The following LIPA variants were observed in gnomAD, a reference collection of about 807,000 sequenced individuals.
LIPA encodes lipase A, lysosomal acid type.
A neutral mutation model predicts 40.6 loss-of-function variants in LIPA; 26 were observed. That is an observed-to-expected ratio of 0.64 (90% CI 0.47 to 0.89). The LOEUF (loss-of-function observed/expected upper bound fraction) is 0.89, where lower values mean the gene tolerates loss of function less well. Ranked by LOEUF, LIPA falls within the 40% of genes least tolerant of loss-of-function variation. The pLI is 0.00. For synonymous variants in LIPA, 188 were observed against 168.4 expected (o/e 1.12, Z -0.90); for missense variants, 455 against 479.6 (o/e 0.95, Z 0.48).
intron 6 of LIPA, 97 bp downstream of exon 6, chr10:89,224,995 G>T: frequency 7.0e-7 from 1 of 1,429,596 alleles, no homozygotes; most frequent in South Asian, 1.2e-5. Flanking sequence ...TCAAAACGCA[G>T]GGGAGGAAGG....
At chr10:89,319,321 T>A (rs1007242813) in intron 1 of LIPA, among the ~76,000 whole-genome samples, 1 of 152,158 alleles carries the variant, frequency 6.6e-6, no homozygotes, top group African/African-American at 2.4e-5. Context: ...CTAGCAAGAC[T>A]AATAAAGAAG....
intron 1 of LIPA, among the ~76,000 whole-genome samples, chr10:89,320,871 T>G (rs1843567408): frequency 6.6e-6 from 1 of 151,660 alleles, no homozygotes; most frequent in Admixed American, 6.6e-5. Context: ...AAAACAGAGA[T>G]ATAGACCAAT....
intron 3 of LIPA, among the ~76,000 whole-genome samples, chr10:89,238,364 G>A (rs1842929695): frequency 6.6e-6 from 1 of 152,178 alleles, no homozygotes; most frequent in Non-Finnish European, 1.5e-5. Context: ...AGACAATTCA[G>A]GAGAAGGGTG....
chr10:89,333,194 G>A (rs1433093842), intron 1 of LIPA, among the ~76,000 whole-genome samples: 3 of 152,132 alleles, frequency 2.0e-5, no homozygotes, highest in African/African-American at 4.8e-5. Context: ...AGCCTCCCAC[G>A]TGATCAATGA....
rs368248515 is a variant in LIPA, at chr10:89,248,535, C to T, written c.-1-886G>A. On this transcript the variant is annotated intron_variant, in intron 1 of 9. Transcript: ENST00000336233. The stretch of plus-strand genomic sequence containing the variant: ...TGTCGCCCAGGCTGGAGTGCAGTGG[C>T]GCAATCTTGGCTCACTGCAAGCTCC... Among the ~76,000 whole-genome samples, 7 of 150,128 alleles carry T rather than the reference C, an allele frequency of 4.7e-5. No individual in the cohort carries two copies. In the East Asian group the frequency reaches 9.7e-4, roughly 21 times the overall value.
intron 3 of LIPA, among the ~76,000 whole-genome samples, chr10:89,238,711 A>C (rs2183934): frequency 0.64 from 97,072 of 151,754 alleles, 31,361 homozygotes; most frequent in African/African-American, 0.73. Context: ...AATACATCCT[A>C]TTTTCCTTAT....
At chr10:89,307,289 A>G in intron 1 of LIPA, 1 of 1,614,004 alleles carries the variant, frequency 6.2e-7, no homozygotes, top group Non-Finnish European at 8.5e-7. Flanking sequence ...GCTGAATGAA[A>G]AAATGCAACA....
chr10:89,215,074 G>A lies in LIPA; in HGVS notation c.967-13C>T. ...TGGGAGGATAACTCTACAATGAAAA[G>A]GAACCAGAGAAAGCCTCGTTGTTGT... is the stretch of plus-strand genomic sequence containing the variant. On this transcript the variant is annotated splice_polypyrimidine_tract_variant and intron_variant, in intron 9 of 9. Transcript: ENST00000336233. The A allele has an allele frequency of 6.4e-7, 1 of 1,571,406 alleles. No homozygotes were observed. The highest frequency in any genetic ancestry group is 8.8e-7 in the Non-Finnish European group (1 of 1,141,106).
chr10:89,383,833 A>G, intron 2 of LIPA: 1 of 1,614,194 alleles, frequency 6.2e-7, no homozygotes. Flanking sequence ...GAACCCTGAA[A>G]ACCCTGAATT....
intron 2 of LIPA, among the ~76,000 whole-genome samples, chr10:89,407,135 G>A (rs1321664778): frequency 6.6e-6 from 1 of 152,118 alleles, no homozygotes; most frequent in East Asian, 1.9e-4. Flanking sequence ...GGGTTGACAG[G>A]GAGGAAAGCC....
intron 1 of LIPA, among the ~76,000 whole-genome samples, chr10:89,296,574 G>T (rs1455061994): frequency 6.6e-6 from 1 of 152,068 alleles, no homozygotes; most frequent in Admixed American, 6.6e-5. Context: ...AAAAGTAAGG[G>T]TTTCCAACTG....
upstream of LIPA, among the ~76,000 whole-genome samples, chr10:89,343,361 G>T (rs1843888573): frequency 1.3e-5 from 2 of 152,152 alleles, no homozygotes; most frequent in South Asian, 4.1e-4. Flanking sequence ...TTGCAAGTAT[G>T]GGGCAGGATT....
chr10:89,319,068 A>G lies in LIPA; in HGVS notation c.-2+23543T>C, dbSNP rs192972150. On this transcript the variant is annotated intron_variant, in intron 1 of 5. Transcript: ENST00000282673. ...CTCTGGGACATATTTAAAGCAGTGTATAGAGGGAAATTTATAGCACTAAAT... is the reference window on the plus strand; with the variant it reads ...CTCTGGGACATATTTAAAGCAGTGTGTAGAGGGAAATTTATAGCACTAAAT... Among the ~76,000 whole-genome samples the G allele has an allele frequency of 3.7e-4, 56 of 152,304 alleles. No homozygotes were observed. In the East Asian group the frequency reaches 8.5e-3, roughly 23 times the overall value.
intron 3 of LIPA, among the ~76,000 whole-genome samples, chr10:89,242,302 C>G (rs1842973824): frequency 6.6e-6 from 1 of 152,142 alleles, no homozygotes; most frequent in Non-Finnish European, 1.5e-5. Flanking sequence ...TACTACTGTG[C>G]AGAATGGAGG....
At chr10:89,372,957 C>T (rs80169105) in intron 2 of LIPA, among the ~76,000 whole-genome samples, 8,351 of 152,204 alleles carry the variant, frequency 0.055, 442 homozygotes, top group African/African-American at 0.13. Context: ...GATGTAAATG[C>T]TTCCTACAAT....
chr10:89,232,316 G>A (rs1212426537), intron 3 of LIPA, among the ~76,000 whole-genome samples: 1 of 152,158 alleles, frequency 6.6e-6, no homozygotes, highest in Non-Finnish European at 1.5e-5. Flanking sequence ...TCACCCACCA[G>A]GAGTGATCAG....
intron 3 of LIPA, among the ~76,000 whole-genome samples, chr10:89,232,972 C>T (rs12257915): frequency 0.56 from 85,081 of 152,054 alleles, 23,960 homozygotes; most frequent in Non-Finnish European, 0.58. Context: ...CAGGAGACCA[C>T]GCCTAAGGTG....
intron 1 of LIPA, among the ~76,000 whole-genome samples, chr10:89,294,536 C>T (rs896456840): frequency 6.6e-6 from 1 of 152,176 alleles, no homozygotes; most frequent in African/African-American, 2.4e-5. Context: ...GGACAATGCC[C>T]CCATAACCCA....
At chr10:89,391,375 A>C (rs1256075858) in intron 2 of LIPA, among the ~76,000 whole-genome samples, 1 of 148,864 alleles carries the variant, frequency 6.7e-6, no homozygotes, top group Non-Finnish European at 1.5e-5. Flanking sequence ...CACCACACCC[A>C]GCTTTTTTTT....
Sources: allele counts gnomAD v4.1 joint callset (sites outside exome capture counted in the v4.1 genomes callset), GRCh38; gene constraint gnomAD v4.1.1; transcripts MANE v1.5; gene names NCBI Gene and HGNC (gene_info 2026-07-23, HGNC 2026-07-21).